Variants in CTNNA3 observed in about 807,000 individuals in gnomAD.
The protein encoded by CTNNA3 is catenin alpha-3.
In CTNNA3, 76 loss-of-function variants were observed where a neutral mutation model predicts 95.7. The observed-to-expected ratio is 0.79, with a 90% CI of 0.66 to 0.96. The LOEUF is 0.96. Among genes scored for constraint, CTNNA3 ranks in the 40% least tolerant of loss-of-function variants. The pLI is 0.00. For missense variants in CTNNA3, 1,191 were observed against 1,089.8 expected (o/e 1.09, Z -1.31); for synonymous variants, 431 against 374.4 (o/e 1.15, Z -1.74).
chr10:66,213,856 A>T (rs950931184), intron 13 of CTNNA3, among the ~76,000 whole-genome samples: 1 of 152,238 alleles, frequency 6.6e-6, no homozygotes, highest in Non-Finnish European at 1.5e-5. Flanking sequence ...GCCCCTAGCC[A>T]TACCTGAATT....
At chr10:66,486,519 T>C (rs1272652729) in intron 11 of CTNNA3, among the ~76,000 whole-genome samples, 2 of 152,148 alleles carry the variant, frequency 1.3e-5, no homozygotes, top group East Asian at 3.9e-4. Flanking sequence ...TTAGGATGGC[T>C]GTTACCAAAA....
At chr10:66,330,661 G>T (rs1416983715) in intron 12 of CTNNA3, among the ~76,000 whole-genome samples, 1 of 152,074 alleles carries the variant, frequency 6.6e-6, no homozygotes, top group Non-Finnish European at 1.5e-5. Context: ...CTTCCACAAT[G>T]GTTGAACTAG....
intron 1 of CTNNA3, among the ~76,000 whole-genome samples, chr10:67,728,999 A>G (rs549598566): frequency 2.0e-4 from 30 of 152,332 alleles, no homozygotes; most frequent in African/African-American, 6.7e-4. Flanking sequence ...AATCTCAGTT[A>G]CAAAGTAAAT....
chr10:66,869,513 C>T (rs1414269662), intron 7 of CTNNA3, among the ~76,000 whole-genome samples: 5 of 152,006 alleles, frequency 3.3e-5, no homozygotes, highest in Non-Finnish European at 7.4e-5. Flanking sequence ...GCGGAGGTTG[C>T]AGTGAGCCAA....
intron 3 of CTNNA3, among the ~76,000 whole-genome samples, chr10:67,567,100 A>C (rs1403260260): frequency 6.6e-6 from 1 of 151,788 alleles, no homozygotes; most frequent in Non-Finnish European, 1.5e-5. Flanking sequence ...GCAGCACACC[A>C]GCATGGCACA....
In CTNNA3 at chr10:67,705,153, A is replaced by C. The variant is rs535474941; in HGVS notation, c.-1-57639T>G. 3.1e-4 allele frequency among the ~76,000 whole-genome samples: 47 copies of C among 151,926 alleles called. 1 individual carries two copies. The East Asian group carries it at 7.5e-3, about 24-fold the overall frequency. On this transcript the variant is annotated intron_variant, in intron 1 of 17. Transcript: ENST00000684154. ...ACAGGTGCTGGAGAGGATGTGGAGA[A>C]ATAGGAACACTTTTACACTGTTGGT...
intron 7 of CTNNA3, among the ~76,000 whole-genome samples, chr10:66,913,853 A>G (rs1564762515): frequency 6.6e-6 from 1 of 152,202 alleles, no homozygotes; most frequent in Admixed American, 6.5e-5. Context: ...GAAAAGCTAC[A>G]CTGAAGTATA....
intron 9 of CTNNA3, among the ~76,000 whole-genome samples, chr10:66,749,981 T>G (rs1044544038): frequency 1.3e-5 from 2 of 152,242 alleles, no homozygotes; most frequent in Non-Finnish European, 2.9e-5. Flanking sequence ...TTGAACATCT[T>G]TTCATATGCT....
Position 67,587,709 on chromosome 10 carries a change from T to A in CTNNA3, c.292+19148A>T, listed in dbSNP as rs147337265. On this transcript the variant is annotated intron_variant, in intron 3 of 17. Transcript: ENST00000433211. Reference sequence around the variant, plus strand: ...AAAGTCCTTTTTGCATTGTATTTATTTGGGGATCACTGAGCTTCCTGTATC... The same window carrying A: ...AAAGTCCTTTTTGCATTGTATTTATATGGGGATCACTGAGCTTCCTGTATC... Among the ~76,000 whole-genome samples, 256 of 152,302 alleles carry A rather than the reference T, an allele frequency of 1.7e-3. 5 individuals are homozygous for A. The highest frequency in any genetic ancestry group is 3.5e-4 in the Non-Finnish European group (24 of 68,020).
intron 10 of CTNNA3, among the ~76,000 whole-genome samples, chr10:66,603,328 G>A (rs10762077): frequency 0.072 from 10,928 of 151,898 alleles, 723 homozygotes; most frequent in East Asian, 0.35. Flanking sequence ...CAAGAAAGCA[G>A]TAACATTTAC....
chr10:67,337,662 G>A (rs1842042641), intron 5 of CTNNA3, among the ~76,000 whole-genome samples: 1 of 152,088 alleles, frequency 6.6e-6, no homozygotes, highest in Non-Finnish European at 1.5e-5. Flanking sequence ...TAACTTCATT[G>A]TGGCCTTATT....
chr10:67,617,012 G>A lies in CTNNA3; in HGVS notation c.100-9963C>T, dbSNP rs117675023. ...GTAGTATTTCTCAGGAAACCCAACCGTTAACATATTAATTCTAGGATATGT... is the reference window on the plus strand; with the variant it reads ...GTAGTATTTCTCAGGAAACCCAACCATTAACATATTAATTCTAGGATATGT... On this transcript the variant is annotated intron_variant, in intron 2 of 17. Coordinates refer to ENST00000433211, the MANE Select transcript of CTNNA3 (RefSeq NM_013266.4). 3.3e-3 allele frequency among the ~76,000 whole-genome samples: 506 copies of A among 152,216 alleles called. 2 individuals carry two copies. Among genetic ancestry groups the A allele is most frequent in the Non-Finnish European group, 5.8e-3 (397 of 68,010 alleles).
chr10:67,638,850 T>A (rs1377041738), intron 2 of CTNNA3, among the ~76,000 whole-genome samples: 1 of 152,074 alleles, frequency 6.6e-6, no homozygotes, highest in Non-Finnish European at 1.5e-5. Flanking sequence ...CTGCGACACA[T>A]TTAAAGCAGT....
At chr10:66,202,201 T>C (rs1460965507) in intron 13 of CTNNA3, among the ~76,000 whole-genome samples, 3 of 152,226 alleles carry the variant, frequency 2.0e-5, no homozygotes, top group Non-Finnish European at 4.4e-5. Flanking sequence ...TTGCTTTTAT[T>C]TCACAGTTCC....
intron 7 of CTNNA3, among the ~76,000 whole-genome samples, chr10:67,109,126 G>A (rs979225865): frequency 2.0e-5 from 3 of 152,096 alleles, no homozygotes; most frequent in Admixed American, 1.3e-4. Context: ...AGGGTATATT[G>A]GGCTGTGCAA....
At chr10:66,807,486 C>G (rs1841701617) in intron 7 of CTNNA3, among the ~76,000 whole-genome samples, 1 of 152,076 alleles carries the variant, frequency 6.6e-6, no homozygotes, top group Non-Finnish European at 1.5e-5. Context: ...GGGAACTATC[C>G]CTGGTGTCCT....
At chr10:66,269,932 G>T (rs1014226962) in intron 13 of CTNNA3, among the ~76,000 whole-genome samples, 6 of 152,114 alleles carry the variant, frequency 3.9e-5, no homozygotes, top group South Asian at 2.1e-4. Flanking sequence ...AAACAGACAT[G>T]TACTGTGCAT....
chr10:66,484,364 C>T (rs559459766), intron 11 of CTNNA3, among the ~76,000 whole-genome samples: 1 of 151,338 alleles, frequency 6.6e-6, no homozygotes, highest in South Asian at 2.1e-4. Context: ...TAAAAATAGC[C>T]AAAGAGGATA....
chr10:67,237,102 G>A (rs1289954140), intron 5 of CTNNA3, among the ~76,000 whole-genome samples: 3 of 123,860 alleles, frequency 2.4e-5, no homozygotes, highest in African/African-American at 5.5e-5. Context: ...CAATCAATGA[G>A]TGGATAAAGA....
Sources: gnomAD v4.1 joint callset for allele counts (sites outside exome capture counted in the v4.1 genomes callset) on GRCh38, gnomAD v4.1.1 for gene constraint, MANE v1.5 for transcripts, NCBI Gene and HGNC (gene_info 2026-07-23, HGNC 2026-07-21) for gene names.